IRF4: variants seen among roughly 807,000 people sequenced by gnomAD.
IRF4 encodes interferon regulatory factor 4, also known as lymphocyte-specific interferon regulatory factor.
A neutral mutation model predicts 55.5 loss-of-function variants in IRF4; 13 were observed. The ratio of observed to expected loss-of-function variants is 0.23; its 90% CI spans 0.15 to 0.37. IRF4 has a LOEUF of 0.37. IRF4 is among the 10% of genes least tolerant of loss of function. The probability of loss-of-function intolerance (pLI) is 1.00; values close to 1 mark genes in which losing one functional copy is unlikely to be tolerated. For missense variants in IRF4, 397 were observed against 593.8 expected (o/e 0.67, Z 3.44); for synonymous variants, 249 against 240.7 (o/e 1.03, Z -0.32).
chr6:405,309 C>G (rs1326962060), intron 8 of IRF4, among the ~76,000 whole-genome samples, 179 bp downstream of exon 8: 1 of 152,338 alleles, frequency 6.6e-6, no homozygotes, highest in Middle Eastern at 3.4e-3. Context: ...TGAGGACTCA[C>G]GTGCTCCTCC....
chr6:395,280 CA>C (rs369029146), intron 3 of IRF4, among the ~76,000 whole-genome samples: 73 of 132,736 alleles, frequency 5.5e-4, no homozygotes, highest in Admixed American at 4.5e-4. Flanking sequence ...GTTAGTCTTT[CA>C]AAAAAAAAAA....
intron 2 of IRF4, among the ~76,000 whole-genome samples, chr6:394,299 A>G (rs1471719067): frequency 6.6e-6 from 1 of 152,196 alleles, no homozygotes; most frequent in Non-Finnish European, 1.5e-5. Context: ...TACCGGTTAT[A>G]AATACCCAGA....
chr6:407,335 T>C, intron 8 of IRF4, 120 bp from the exon 9 acceptor site: 1 of 911,626 alleles, frequency 1.1e-6, no homozygotes, highest in Non-Finnish European at 1.6e-6. Context: ...AATGTTTTGA[T>C]GTGTTCTAGG....
rs1364824121 is a variant in IRF4, at chr6:391,796, G to A, written c.-69G>A. On this transcript the variant is annotated 5_prime_UTR_variant, in exon 1 of 9. Transcript: ENST00000380956. Reference sequence around the variant, plus strand: ...GGGACCCACCGCTGCCCTCAGCTCCGAGTCCAGGGCGAGGTAAGGGCTGGA... The same window carrying A: ...GGGACCCACCGCTGCCCTCAGCTCCAAGTCCAGGGCGAGGTAAGGGCTGGA... 6.6e-6 allele frequency: 3 copies of A among 453,812 alleles called. No individual in the cohort carries two copies. Among genetic ancestry groups the A allele is most frequent in the South Asian group, 4.7e-5 (3 of 64,258 alleles). The allele number at this position is 453,812 out of a possible 1,614,324, so 28.1% of individuals were successfully genotyped here.
Position 394,120 on chromosome 6 carries a change from C to T in IRF4, c.217-701C>T, listed in dbSNP as rs1483029543. On this transcript the variant is annotated intron_variant, in intron 2 of 8. Coordinates refer to ENST00000380956, the MANE Select transcript of IRF4 (RefSeq NM_002460.4). ...CTGTGGGCAGAGCAGGGGAAGGGGA[C>T]TTCCTCCGGGAATTTGGTCTCAATT... 2.6e-5 allele frequency among the ~76,000 whole-genome samples: 4 copies of T among 152,334 alleles called. 1 individual carries two copies. The East Asian group carries it at 7.7e-4, about 29-fold the overall frequency.
intron 8 of IRF4, among the ~76,000 whole-genome samples, chr6:406,276 G>GCT (rs556649624): frequency 1.0e-3 from 155 of 152,350 alleles, no homozygotes; most frequent in African/African-American, 3.6e-3. Flanking sequence ...GGGCACAGTG[G>GCT]CTCACGCCTG....
chr6:395,238 T>TGGG (rs11369013), intron 3 of IRF4, among the ~76,000 whole-genome samples: 1,602 of 144,262 alleles, frequency 0.011, 33 homozygotes, highest in African/African-American at 0.04. Flanking sequence ...TCAATGTATA[T>TGGG]GGGGGGGGGT....
intron 7 of IRF4, among the ~76,000 whole-genome samples, chr6:403,170 C>A (rs1054751501): frequency 3.9e-5 from 6 of 152,230 alleles, no homozygotes; most frequent in African/African-American, 1.4e-4. Context: ...AAGGGCAGAA[C>A]CATCCCCAAG....
intron 8 of IRF4, among the ~76,000 whole-genome samples, chr6:405,411 G>A (rs1265447151): frequency 6.6e-6 from 1 of 152,146 alleles, no homozygotes; most frequent in Non-Finnish European, 1.5e-5. Flanking sequence ...CAGGAAAGTT[G>A]TCGTATTTCC....
chr6:409,066 C>G lies in IRF4; in HGVS notation c.*1468C>G, dbSNP rs1804286. 1 of 216,112 alleles carries G rather than the reference C, an allele frequency of 4.6e-6. No individual in the cohort carries two copies. The highest frequency in any genetic ancestry group is 1.9e-4 in the South Asian group (1 of 5,370). 13.4% of individuals were successfully genotyped at this position (216,112 alleles called of 1,614,324 possible). A position where few individuals can be genotyped will look rare whatever the true frequency, so the allele number is the denominator to read the frequency against. On this transcript the variant is annotated 3_prime_UTR_variant, in exon 9 of 9. Transcript: ENST00000380956. Reference sequence around the variant, plus strand: ...ATACTACAGGATATTTACTATTACTCCCAGGATCAGCAGAAGATTGCGTAG... The same window carrying G: ...ATACTACAGGATATTTACTATTACTGCCAGGATCAGCAGAAGATTGCGTAG...
rs542351930 is a variant in IRF4 at position 409,163 on chromosome 6, G to A, written c.*1565G>A. The A allele has an allele frequency of 9.6e-5, 20 of 209,056 alleles. No homozygotes were observed. The highest frequency in any genetic ancestry group is 3.1e-3 in the Middle Eastern group (2 of 646). The allele number at this position is 209,056 out of a possible 1,614,324, so 13.0% of individuals were successfully genotyped here. A position where few individuals can be genotyped will look rare whatever the true frequency, so the allele number is the denominator to read the frequency against. ...TTCAACAAGCACCTAGTAAGTGCCT[G>A]CTGTATCCCTACATTACACAGTTCA... On this transcript the variant is annotated 3_prime_UTR_variant, in exon 9 of 9. Transcript: ENST00000380956.
chr6:407,289 C>G (rs1323982849), intron 8 of IRF4, among the ~76,000 whole-genome samples, 166 bp from the exon 9 acceptor site: 1 of 152,150 alleles, frequency 6.6e-6, no homozygotes, highest in African/African-American at 2.4e-5. Flanking sequence ...GAAGGACTAA[C>G]CAAAAAATTG....
At chr6:401,962 C>T (rs1049152942) in intron 7 of IRF4, 185 bp downstream of exon 7, 11 of 604,248 alleles carry the variant, frequency 1.8e-5, no homozygotes, top group East Asian at 5.5e-5. Context: ...GCAGAGAGTC[C>T]GGATCAGATG....
At position 401,652 on chromosome 6, in the gene IRF4, A is replaced by G. The variant is rs773521348; in HGVS notation, c.974A>G (p.Tyr325Cys). Residue 325 changes from tyrosine (Y) to cysteine (C), a missense_variant, in exon 7 of 9, where the codon TAT (tyrosine) becomes TGT (cysteine). Physicochemically the swap from Tyr to Cys is radical, Grantham distance 194. This residue lies in a region of IRF4 where 341 missense variants were observed against 548.1 expected (regional missense o/e 0.62). Coordinates refer to ENST00000380956, the MANE Select transcript of IRF4 (RefSeq NM_002460.4). ...CTCTGGATGGCCCCCGACGGGCTCT[A>G]TGCGAAAAGACTGTGCCAGAGCAGG... ...VVLWMAPDGL[Y>C]AKRLCQSRIY... 1.2e-6 allele frequency: 2 copies of G among 1,614,208 alleles called. No individual in the cohort carries two copies. Among genetic ancestry groups the G allele is most frequent in the South Asian group, 1.1e-5 (1 of 91,088 alleles).
rs945105703 is a variant in IRF4 at position 409,841 on chromosome 6, C to A, written c.*2243C>A. The A allele has an allele frequency of 1.7e-5, 4 of 229,340 alleles. No individual in the cohort carries two copies. The highest frequency in any genetic ancestry group is 8.9e-5 in the African/African-American group (4 of 45,126). 14.2% of individuals were successfully genotyped at this position (229,340 alleles called of 1,614,324 possible). On this transcript the variant is annotated 3_prime_UTR_variant, in exon 9 of 9. Transcript: ENST00000380956. Reference sequence around the variant, plus strand: ...GGAGCACCCTGTCTTCTTAATTCTCCAAGCGGATGCTCCATTTCAATTGCT... The same window carrying A: ...GGAGCACCCTGTCTTCTTAATTCTCAAAGCGGATGCTCCATTTCAATTGCT...
chr6:397,280 G>A, intron 5 of IRF4, 28 bp downstream of exon 5: 1 of 1,613,216 alleles, frequency 6.2e-7, no homozygotes, highest in Non-Finnish European at 8.5e-7. Flanking sequence ...GCAGGAAATA[G>A]AAGAGCTAAT....
Position 393,196 on chromosome 6 carries a change from G to A in IRF4, c.44G>A (p.Ser15Asn). The A allele has an allele frequency of 1.9e-6, 3 of 1,556,630 alleles. No individual in the cohort carries two copies. The highest frequency in any genetic ancestry group is 2.6e-6 in the Non-Finnish European group (3 of 1,149,876). The change falls in exon 2 of 9, where the codon AGC becomes AAC. Residue 15 changes from serine to asparagine, a missense_variant. Coordinates refer to ENST00000380956, the MANE Select transcript of IRF4 (RefSeq NM_002460.4). This position sits in a 1 kb window ranked among gnomAD's most constrained non-coding sequence, Gnocchi z 5.4. The part of the protein sequence containing the change: ...GGGRGGEFGM[S>N]AVSCGNGKLR... ...GGCCGAGGCGGAGAGTTCGGCATGA[G>A]CGCGGTGAGCTGCGGCAACGGGAAG...
In IRF4 at chr6:401,701, G is replaced by C. The variant is rs202225254; in HGVS notation, c.1023G>C (p.Ala341=). Reference sequence around the variant, plus strand: ...GGATCTACTGGGACGGGCCCCTGGCGCTGTGCAACGACCGGCCCAACAAAC... The same window carrying C: ...GGATCTACTGGGACGGGCCCCTGGCCCTGTGCAACGACCGGCCCAACAAAC... ...QSRIYWDGPL[A]LCNDRPNKLE... is the part of the protein sequence containing the mutation. The change falls in exon 7 of 9, where the codon GCG becomes GCC. Residue 341 remains alanine, a synonymous_variant. Transcript: ENST00000380956. The C allele has an allele frequency of 6.2e-7, 1 of 1,614,222 alleles. No individual in the cohort carries two copies. Among genetic ancestry groups the C allele is most frequent in the African/African-American group, 1.3e-5 (1 of 75,068 alleles).
rs145925203 is a variant in IRF4 at position 405,070 on chromosome 6, T to C, written c.1152T>C (p.Thr384=). Residue 384 remains threonine, a synonymous_variant, in exon 8 of 9, where the codon ACT becomes ACC. Coordinates refer to ENST00000380956, the MANE Select transcript of IRF4 (RefSeq NM_002460.4). The part of the protein sequence containing the change: ...HGRSLPRFQV[T]LCFGEEFPDP... ...GCTCCCTGCCAAGATTCCAGGTGAC[T>C]CTATGCTTTGGAGAGGAGTTTCCAG... 3.1e-6 allele frequency: 5 copies of C among 1,614,024 alleles called. No individual in the cohort carries two copies. The African/African-American group carries it at 6.7e-5, about 22-fold the overall frequency.
Sources: allele counts gnomAD v4.1 joint callset (sites outside exome capture counted in the v4.1 genomes callset), GRCh38; gene constraint gnomAD v4.1.1; regional missense constraint gnomAD v4.1.1; non-coding constraint Gnocchi (gnomAD v3.1); transcripts MANE v1.5; gene names NCBI Gene and HGNC (gene_info 2026-07-23, HGNC 2026-07-21).